LCN8: variants seen among roughly 807,000 people sequenced by gnomAD.
The protein encoded by LCN8 is lipocalin 8.
In LCN8, 16 loss-of-function variants were observed where a neutral mutation model predicts 22.8. The observed-to-expected ratio is 0.70, with a 90% confidence interval of 0.47 to 1.06. The LOEUF (loss-of-function observed/expected upper bound fraction) is 1.06, where lower values mean the gene tolerates loss of function less well. LCN8 is among the 50% of genes least tolerant of loss of function. The probability of loss-of-function intolerance (pLI) is 0.00; values close to 1 mark genes in which losing one functional copy is unlikely to be tolerated. For missense variants in LCN8, 189 were observed against 203.3 expected (o/e 0.93, Z 0.43); for synonymous variants, 92 against 83.4 (o/e 1.10, Z -0.56).
chr9:136,757,860 G>A (rs761205275), intron 1 of LCN8, 47 bp downstream of exon 1: 3 of 1,613,564 alleles, frequency 1.9e-6, no homozygotes, highest in Admixed American at 3.3e-5. Context: ...GAGCCTGAGG[G>A]GTTGGGGGTG....
chr9:136,756,565 G>C lies in LCN8; in HGVS notation c.183C>G (p.Ile61Met). Residue 61 changes from isoleucine to methionine, a missense_variant, in exon 3 of 7, where the codon ATC (isoleucine) becomes ATG (methionine). Physicochemically the swap from Ile to Met is conservative, Grantham distance 10 (BLOSUM62 1). Transcript: ENST00000371688. ...CCGTACTGTCTATTTCTGAGCCCAC[G>C]ATCTTCTCTATCTCACAGCTTCCTG... is the stretch of plus-strand genomic sequence containing the variant. ...NSSGSCEIEKIVGSEIDSTGK... is the reference protein window; with the variant it reads ...NSSGSCEIEKMVGSEIDSTGK... The C allele has an allele frequency of 6.2e-7, 1 of 1,613,962 alleles. No homozygotes were observed. Among genetic ancestry groups the C allele is most frequent in the Non-Finnish European group, 8.5e-7 (1 of 1,179,996 alleles).
intron 3 of LCN8, 194 bp downstream of exon 3, chr9:136,756,328 A>G (rs753685688): frequency 6.5e-6 from 10 of 1,542,524 alleles, no homozygotes; most frequent in Non-Finnish European, 8.7e-6. Flanking sequence ...TGCAGGGAGC[A>G]GTGCAGGGAA....
chr9:136,755,569 G>A (rs776921807), intron 3 of LCN8, 53 bp from the exon 4 acceptor site: 55 of 1,566,680 alleles, frequency 3.5e-5, no homozygotes, highest in African/African-American at 4.1e-5. Flanking sequence ...GACGGACCTC[G>A]AAGGCCAGGG....
chr9:136,757,802 C>T, intron 1 of LCN8, 105 bp downstream of exon 1: 1 of 1,606,330 alleles, frequency 6.2e-7, no homozygotes, highest in Non-Finnish European at 8.5e-7. Context: ...TCTAGCCGGG[C>T]ACCAGCGTCC....
Position 136,757,052 on chromosome 9 carries a change from C to A in LCN8, c.141G>T (p.Lys47Asn). The A allele has an allele frequency of 2.5e-6, 4 of 1,613,374 alleles. No homozygotes were observed. The highest frequency in any genetic ancestry group is 3.4e-6 in the Non-Finnish European group (4 of 1,179,794). ...AGGCCTCTTACCTGTTATATGCAAC[C>A]TTCACGGTCAGGTTACTCCCGCTCA... ...LTLSGSNLTV[K>N]VAYNSSGSCE... The change falls in exon 2 of 7, where the codon AAG becomes AAT. Residue 47 changes from lysine (K) to asparagine (N), a missense_variant. Transcript: ENST00000371688.
rs1211015674 is a variant in LCN8 at position 136,755,516 on chromosome 9, C to T, written c.227G>A (p.Gly76Asp). 6.2e-7 allele frequency: 1 copy of T among 1,611,018 alleles called. No homozygotes were observed. Among genetic ancestry groups the T allele is most frequent in the African/African-American group, 1.3e-5 (1 of 74,876 alleles). The change falls in exon 4 of 7, where the codon GGC becomes GAC. Residue 76 changes from glycine to aspartate, a missense_variant and splice_region_variant. Coordinates refer to ENST00000371688, the MANE Select transcript of LCN8 (RefSeq NM_178469.4). ...IDSTGKFAFP[G>D]HREIHVLDTD... ...GTCCAGCACGTGGATCTCTCTGTGG[C>T]CTTCAAGAGCCGGCCATGGCGTTGG...
In LCN8 at chr9:136,754,731, C is replaced by G. The variant is rs1366181246; in HGVS notation, c.448-222G>C. The G allele has an allele frequency of 7.1e-6, 10 of 1,399,592 alleles. No individual in the cohort carries two copies. The East Asian group carries it at 2.1e-4, about 30-fold the overall frequency. The allele number at this position is 1,399,592 out of a possible 1,614,324, so 86.7% of individuals were successfully genotyped here. On this transcript the variant is annotated intron_variant, in intron 6 of 6. Coordinates refer to ENST00000371688, the MANE Select transcript of LCN8 (RefSeq NM_178469.4). The stretch of plus-strand genomic sequence containing the variant: ...GGAGACACTGGGTTCTCGCAGTGCC[C>G]AACATGGGAGCCCTGAGGCAGCGCC...
In LCN8 at chr9:136,756,520, A is replaced by G. The variant is rs1847204648; in HGVS notation, c.226+2T>C. 2 of 1,614,054 alleles carry G rather than the reference A, an allele frequency of 1.2e-6. No homozygotes were observed. Among genetic ancestry groups the G allele is most frequent in the African/African-American group, 2.7e-5 (2 of 74,926 alleles). ...CTGCCATCACAGGGCAACTGCACTT[A>G]CCAGGAAAAGCGAATTTTCCCGTAC... On this transcript the variant is annotated splice_donor_variant, in intron 3 of 6. Coordinates refer to ENST00000371688, the MANE Select transcript of LCN8 (RefSeq NM_178469.4). LOFTEE classifies it high-confidence loss of function.
In LCN8 at chr9:136,755,059, G is replaced by T. The variant is rs1022839655; in HGVS notation, c.447+76C>A. On this transcript the variant is annotated intron_variant, in intron 6 of 6. Transcript: ENST00000371688. ...CAGGGCCGGGAGGCGGAGCCACGGGGGCTCCTGACAGGGCCAGGGACTGGG... is the reference window on the plus strand; with the variant it reads ...CAGGGCCGGGAGGCGGAGCCACGGGTGCTCCTGACAGGGCCAGGGACTGGG... 2.8e-6 allele frequency: 4 copies of T among 1,449,118 alleles called. No individual in the cohort carries two copies. In the Admixed American group the frequency reaches 1.1e-4, roughly 41 times the overall value. 89.8% of individuals were successfully genotyped at this position (1,449,118 alleles called of 1,614,324 possible).
At chr9:136,757,509 GA>G in intron 1 of LCN8, 1 of 1,350,278 alleles carries the variant, frequency 7.4e-7, no homozygotes, top group Non-Finnish European at 9.5e-7. Flanking sequence ...CAGAGGCCTG[GA>G]AAAGAAAGCC....
chr9:136,754,816 T>C, intron 6 of LCN8: 2 of 1,378,758 alleles, frequency 1.5e-6, no homozygotes, highest in Non-Finnish European at 1.9e-6. Flanking sequence ...CCGGCAGTCC[T>C]GCACAGAACA....
rs1847229637 is a variant in LCN8, at chr9:136,757,174, G to C, written c.25-6C>G. On this transcript the variant is annotated splice_region_variant and splice_polypyrimidine_tract_variant and intron_variant, in intron 1 of 6. Coordinates refer to ENST00000371688, the MANE Select transcript of LCN8 (RefSeq NM_178469.4). Reference sequence around the variant, plus strand: ...TCCCTCCAGAATCCTCCAATCTAGAGAGATACGGAGCCTGGCCAAGAGCTG... The same window carrying C: ...TCCCTCCAGAATCCTCCAATCTAGACAGATACGGAGCCTGGCCAAGAGCTG... 1 of 1,610,852 alleles carries C rather than the reference G, an allele frequency of 6.2e-7. No homozygotes were observed. The highest frequency in any genetic ancestry group is 2.2e-5 in the East Asian group (1 of 44,744).
chr9:136,757,245 C>G (rs774077241), intron 1 of LCN8, 77 bp from the exon 2 acceptor site: 147 of 1,551,336 alleles, frequency 9.5e-5, no homozygotes, highest in Non-Finnish European at 1.3e-4. Context: ...AACCCCCGGG[C>G]AGGGGCCTGC....
In LCN8 at chr9:136,755,439, T is replaced by C. The variant is rs773449966; in HGVS notation, c.304A>G (p.Arg102Gly). The C allele has an allele frequency of 1.2e-6, 2 of 1,610,860 alleles. No homozygotes were observed. The highest frequency in any genetic ancestry group is 4.5e-5 in the East Asian group (2 of 44,830). Residue 102 changes from arginine (R) to glycine (G), a missense_variant, in exon 4 of 7, where the codon AGG becomes GGG. Coordinates refer to ENST00000371688, the MANE Select transcript of LCN8 (RefSeq NM_178469.4). ...AAGTACTTGAGGACGCGAAAGTTCC[T>C]GCCCCGCCACATCAGGGACACCCGC... Reference protein sequence around the residue: ...ILRVSLMWRGRNFRVLKYFTR... With the variant: ...ILRVSLMWRGGNFRVLKYFTR...
At chr9:136,755,583 G>A (rs1215097738) in intron 3 of LCN8, 67 bp from the exon 4 acceptor site, 4 of 1,552,080 alleles carry the variant, frequency 2.6e-6, no homozygotes, top group Admixed American at 3.9e-5. Flanking sequence ...GCCAGGGTCT[G>A]CAGGGTCTAA....
Position 136,757,942 on chromosome 9 carries a change from C to A in LCN8, c.-12G>T. On this transcript the variant is annotated 5_prime_UTR_variant, in exon 1 of 7. Transcript: ENST00000371688. The stretch of plus-strand genomic sequence containing the variant: ...TCCAGCTCCTCCATGGCTGCTGCCA[C>A]CTGCGCCCGGAGCACCACGAGGACA... The A allele has an allele frequency of 6.2e-7, 1 of 1,613,220 alleles. No homozygotes were observed. The highest frequency in any genetic ancestry group is 8.5e-7 in the Non-Finnish European group (1 of 1,179,926).
intron 3 of LCN8, 181 bp downstream of exon 3, chr9:136,756,341 A>G (rs1198902876): frequency 6.5e-7 from 1 of 1,533,340 alleles, no homozygotes; most frequent in African/African-American, 1.5e-5. Flanking sequence ...GCAGGGAACA[A>G]CATGGGGAAC....
At chr9:136,757,378 T>C (rs925889879) in intron 1 of LCN8, 1 of 1,428,374 alleles carries the variant, frequency 7.0e-7, no homozygotes, top group Non-Finnish European at 9.1e-7. Flanking sequence ...CAGACAGCAA[T>C]GCCCACAGGG....
At chr9:136,756,220 CAGTGCAGGGAA>C in intron 3 of LCN8, 1 of 1,110,046 alleles carries the variant, frequency 9.0e-7, no homozygotes, top group Non-Finnish European at 1.2e-6. Flanking sequence ...GCATGGGGAA[CAGTGCAGGGAA>C]CAGTGCAGGG....
Sources: allele counts gnomAD v4.1 joint callset, GRCh38; gene constraint gnomAD v4.1.1; transcripts MANE v1.5; gene names NCBI Gene and HGNC (gene_info 2026-07-23, HGNC 2026-07-21).